The following CC2D2A variants were observed in gnomAD, a reference collection of about 807,000 sequenced individuals.
CC2D2A encodes the protein coiled-coil and C2 domain containing 2A.
A neutral mutation model predicts 212.9 loss-of-function variants in CC2D2A; 155 were observed. The ratio of observed to expected loss-of-function variants is 0.73; its 90% confidence interval spans 0.64 to 0.83. The LOEUF (loss-of-function observed/expected upper bound fraction) is 0.83. CC2D2A is among the 40% of genes least tolerant of loss of function. The pLI, the probability that CC2D2A is intolerant of heterozygous loss-of-function variation, is 0.00. For synonymous variants in CC2D2A, 667 were observed against 686.5 expected (o/e 0.97, Z 0.44); for missense variants, 1,856 against 1,956.2 (o/e 0.95, Z 0.97).
chr4:15,569,963 A>G (rs1406267714), intron 27 of CC2D2A, among the ~76,000 whole-genome samples: 1 of 152,204 alleles, frequency 6.6e-6, no homozygotes, highest in Non-Finnish European at 1.5e-5. Flanking sequence ...CCGTCACTCA[A>G]GATGGAGTCG....
At chr4:15,556,085 T>C (rs1454812255) in intron 20 of CC2D2A, among the ~76,000 whole-genome samples, 1 of 152,258 alleles carries the variant, frequency 6.6e-6, no homozygotes, top group Non-Finnish European at 1.5e-5. Context: ...TACCATAATA[T>C]TCAAAATTCT....
At chr4:15,492,608 G>T in intron 4 of CC2D2A, 1 of 416,514 alleles carries the variant, frequency 2.4e-6, no homozygotes, top group South Asian at 2.4e-5. Context: ...CATGGAAATT[G>T]TGAGGAGGGG....
At chr4:15,576,779 A>C (rs1720433872) in intron 29 of CC2D2A, among the ~76,000 whole-genome samples, 1 of 152,228 alleles carries the variant, frequency 6.6e-6, no homozygotes, top group African/African-American at 2.4e-5. Flanking sequence ...TTCCATGAGG[A>C]ATGTCCTGCC....
chr4:15,516,733 G>A lies in CC2D2A; in HGVS notation c.1126G>A (p.Glu376Lys), dbSNP rs765768907. 3.7e-6 allele frequency: 6 copies of A among 1,612,676 alleles called. No individual in the cohort carries two copies. Among genetic ancestry groups the A allele is most frequent in the Non-Finnish European group, 3.4e-6 (4 of 1,179,236 alleles). Reference protein sequence around the residue: ...VLTQEQSIKAELETLYKKAVK... With the variant: ...VLTQEQSIKAKLETLYKKAVK... Reference sequence around the variant, plus strand: ...AACACAGGAGCAGAGCATTAAGGCAGAGCTTGAAACACTGTATAAAAAGGT... The same window carrying A: ...AACACAGGAGCAGAGCATTAAGGCAAAGCTTGAAACACTGTATAAAAAGGT... Residue 376 changes from glutamate (E) to lysine (K), a missense_variant, in exon 11 of 37, where the codon GAG becomes AAG. Glu to Lys is a moderately conservative substitution (Grantham distance 56). Coordinates refer to ENST00000424120, the MANE Select transcript of CC2D2A (RefSeq NM_001378615.1).
chr4:15,541,442 C>T (rs1718442295), intron 17 of CC2D2A, among the ~76,000 whole-genome samples: 1 of 152,100 alleles, frequency 6.6e-6, no homozygotes, highest in African/African-American at 2.4e-5. Context: ...GATAGAGTCT[C>T]AAGCCTCTTC....
intron 4 of CC2D2A, among the ~76,000 whole-genome samples, chr4:15,500,620 T>C (rs1482107855): frequency 1.3e-5 from 2 of 152,200 alleles, no homozygotes; most frequent in Non-Finnish European, 2.9e-5. Flanking sequence ...TTTATAGCTT[T>C]CTATCACACA....
chr4:15,546,812 G>A (rs1373953435), intron 17 of CC2D2A, among the ~76,000 whole-genome samples: 2 of 152,232 alleles, frequency 1.3e-5, no homozygotes, highest in Non-Finnish European at 2.9e-5. Flanking sequence ...CTGCAGGGAA[G>A]ATGGGTTGCA....
At chr4:15,585,208 GTGC>G (rs1472412550) in intron 30 of CC2D2A, among the ~76,000 whole-genome samples, 3 of 152,202 alleles carry the variant, frequency 2.0e-5, no homozygotes, top group Non-Finnish European at 4.4e-5. Context: ...GTGTATTGCA[GTGC>G]TATTCACAAT....
chr4:15,574,573 T>TA (rs1720314318), intron 29 of CC2D2A, among the ~76,000 whole-genome samples: 1 of 152,194 alleles, frequency 6.6e-6, no homozygotes, highest in Admixed American at 6.5e-5. Context: ...GCCTAAAACT[T>TA]AAGACTTTTA....
At chr4:15,491,751 G>A (rs1451031116) in intron 4 of CC2D2A, among the ~76,000 whole-genome samples, 1 of 152,118 alleles carries the variant, frequency 6.6e-6, no homozygotes, top group Non-Finnish European at 1.5e-5. Context: ...TTACTATAGA[G>A]TTGTAAAAAT....
Position 15,597,458 on chromosome 4 carries a change from C to A in CC2D2A, c.4489C>A (p.Gln1497Lys). 6.4e-7 allele frequency: 1 copy of A among 1,553,054 alleles called. No homozygotes were observed. The highest frequency in any genetic ancestry group is 1.2e-5 in the South Asian group (1 of 84,174). ...AGACAAAGCAGCTGCAGCTGAGCTA[C>A]AAGACAGGTAACATAACATCCATAA... is the stretch of plus-strand genomic sequence containing the variant. Reference protein sequence around the residue: ...RSDKAAAAELQDRIEKILKEK... With the variant: ...RSDKAAAAELKDRIEKILKEK... The change falls in exon 35 of 37, where the codon CAA (glutamine) becomes AAA (lysine). Residue 1497 changes from glutamine (Q) to lysine (K), a missense_variant. By Grantham distance (53) the Gln-to-Lys change is moderately conservative (BLOSUM62 1). Coordinates refer to ENST00000424120, the MANE Select transcript of CC2D2A (RefSeq NM_001378615.1).
Position 15,596,090 on chromosome 4 carries a change from G to A in CC2D2A, c.4320G>A (p.Trp1440Ter). ...TGTAGTCTTGTCTTTCTTAGATTTG[G>A]TTTAATATTCAACGATATGAATCTC... ...VGCLIGPDNI[W>*]FNIQRYESPL... is the part of the protein sequence containing the mutation. Residue 1440 changes from tryptophan (W) to a stop codon, truncating the protein, a stop_gained, in exon 34 of 37, where the codon TGG becomes TGA. Transcript: ENST00000424120. LOFTEE classifies it high-confidence loss of function. 6.5e-7 allele frequency: 1 copy of A among 1,545,944 alleles called. No individual in the cohort carries two copies. The highest frequency in any genetic ancestry group is 8.7e-7 in the Non-Finnish European group (1 of 1,143,928).
At chr4:15,500,925 C>T (rs1379262666) in intron 4 of CC2D2A, among the ~76,000 whole-genome samples, 1 of 152,130 alleles carries the variant, frequency 6.6e-6, no homozygotes, top group African/African-American at 2.4e-5. Flanking sequence ...ACTGTTCAGT[C>T]TGGCCCCTCT....
intron 13 of CC2D2A, among the ~76,000 whole-genome samples, chr4:15,530,059 C>T (rs1421982811): frequency 1.3e-5 from 2 of 151,846 alleles, no homozygotes; most frequent in African/African-American, 4.8e-5. Context: ...GCAAGCTCCG[C>T]CTCCCGGGTT....
chr4:15,583,276 C>G (rs962744095), intron 30 of CC2D2A, among the ~76,000 whole-genome samples: 2 of 152,122 alleles, frequency 1.3e-5, no homozygotes, highest in Admixed American at 6.6e-5. Flanking sequence ...AGATCAGGAA[C>G]AAGACAAGGA....
intron 29 of CC2D2A, among the ~76,000 whole-genome samples, chr4:15,578,800 G>C (rs796145202): frequency 2.8e-5 from 3 of 106,262 alleles, no homozygotes; most frequent in Non-Finnish European, 6.3e-5. Flanking sequence ...TTGTTTGTTT[G>C]TTTGTTTGTT....
chr4:15,567,512 C>T, intron 25 of CC2D2A, 30 bp downstream of exon 25: 2 of 1,575,176 alleles, frequency 1.3e-6, no homozygotes, highest in South Asian at 2.3e-5. Flanking sequence ...AGCTTTCCAC[C>T]TTGCCCCTTA....
chr4:15,510,300 G>C, intron 7 of CC2D2A, 60 bp downstream of exon 7: 1 of 1,440,418 alleles, frequency 6.9e-7, no homozygotes, highest in Non-Finnish European at 9.7e-7. Flanking sequence ...AATATCCAAT[G>C]ACACATGACT....
chr4:15,506,888 A>G (rs1716288307), intron 6 of CC2D2A, among the ~76,000 whole-genome samples: 1 of 151,796 alleles, frequency 6.6e-6, no homozygotes, highest in African/African-American at 2.4e-5. Flanking sequence ...TCTGGCCAAC[A>G]TAGTGAAACC....
Sources: gnomAD v4.1 joint callset for allele counts (sites outside exome capture counted in the v4.1 genomes callset) on GRCh38, gnomAD v4.1.1 for gene constraint, MANE v1.5 for transcripts, NCBI Gene and HGNC (gene_info 2026-07-23, HGNC 2026-07-21) for gene names.